Variants in EPHX1 observed in about 807,000 individuals in gnomAD.
EPHX1 encodes the protein epoxide hydratase.
In EPHX1, 40 loss-of-function variants were observed where a neutral mutation model predicts 43.2. The ratio of observed to expected loss-of-function variants is 0.93; its 90% CI spans 0.72 to 1.21. The LOEUF is 1.21. Among genes scored for constraint, EPHX1 ranks in the 50% most tolerant of loss-of-function variants. The probability of loss-of-function intolerance (pLI) is 0.00; values close to 1 mark genes in which losing one functional copy is unlikely to be tolerated. For synonymous variants in EPHX1, 221 were observed against 226.7 expected (o/e 0.98, Z 0.22); for missense variants, 550 against 570.4 (o/e 0.96, Z 0.36).
chr1:225,810,632 T>C (rs1575967315), intron 1 of EPHX1: 1 of 152,094 alleles, frequency 6.6e-6, no homozygotes, highest in African/African-American at 2.4e-5. Context: ...AACATGGCTG[T>C]TTATTTCACC....
intron 3 of EPHX1, among the ~76,000 whole-genome samples, chr1:225,836,755 AGAG>A (rs1345590617): frequency 6.6e-6 from 1 of 152,224 alleles, no homozygotes; most frequent in Non-Finnish European, 1.5e-5. Flanking sequence ...GCAGAAGCAG[AGAG>A]GAGAAGGGTG....
chr1:225,840,005 T>G lies in EPHX1; in HGVS notation c.899T>G (p.Met300Arg). The part of the protein sequence containing the change: ...FYSLMRESGY[M>R]HIQCTKPDTV... ...AGCCTGATGAGGGAGAGCGGCTACA[T>G]GCACATCCAGTGCACCAAGCCTGAC... Residue 300 changes from methionine to arginine, a missense_variant, in exon 6 of 9, where the codon ATG (methionine) becomes AGG (arginine). Transcript: ENST00000272167. 1 of 1,614,130 alleles carries G rather than the reference T, an allele frequency of 6.2e-7. No individual in the cohort carries two copies. The highest frequency in any genetic ancestry group is 8.5e-7 in the Non-Finnish European group (1 of 1,180,016).
At chr1:225,835,582 G>C (rs1466675571) in intron 3 of EPHX1, among the ~76,000 whole-genome samples, 2 of 151,772 alleles carry the variant, frequency 1.3e-5, no homozygotes, top group African/African-American at 4.8e-5. Context: ...GTAGAGACGG[G>C]GTTTCACCGT....
chr1:225,834,843 C>T (rs958263585), intron 3 of EPHX1, among the ~76,000 whole-genome samples: 3 of 152,164 alleles, frequency 2.0e-5, no homozygotes, highest in Admixed American at 2.0e-4. Context: ...CAGTGTCCAT[C>T]CAGCAGAAAC....
chr1:225,835,583 G>A (rs1251181933), intron 3 of EPHX1, among the ~76,000 whole-genome samples: 1 of 151,754 alleles, frequency 6.6e-6, no homozygotes, highest in East Asian at 1.9e-4. Flanking sequence ...TAGAGACGGG[G>A]TTTCACCGTG....
intron 3 of EPHX1, among the ~76,000 whole-genome samples, chr1:225,836,838 A>G (rs918963231): frequency 5.9e-5 from 9 of 152,234 alleles, no homozygotes; most frequent in Non-Finnish European, 1.2e-4. Flanking sequence ...GAGTCCTGCC[A>G]GCCGAATACA....
chr1:225,838,951 C>A, intron 4 of EPHX1, 70 bp downstream of exon 4: 1 of 1,543,142 alleles, frequency 6.5e-7, no homozygotes, highest in Non-Finnish European at 8.9e-7. Context: ...TCCCACCAGG[C>A]TCTCCTTCCG....
chr1:225,837,330 T>C (rs1668020722), intron 3 of EPHX1, among the ~76,000 whole-genome samples: 1 of 152,232 alleles, frequency 6.6e-6, no homozygotes, highest in Non-Finnish European at 1.5e-5. Context: ...GTTCCAAGCA[T>C]GGCAGCCGCC....
intron 3 of EPHX1, among the ~76,000 whole-genome samples, chr1:225,833,049 C>T (rs1296675004): frequency 6.6e-6 from 1 of 152,190 alleles, no homozygotes; most frequent in Non-Finnish European, 1.5e-5. Flanking sequence ...CGGCTATTCA[C>T]AGGCGTGATC....
rs2671266 is a variant in EPHX1 at position 225,839,495 on chromosome 1, C to T, written c.722+149C>T. ...CTGTCACTCAGCAGTGCCTGAGGCA[C>T]GTTGACTTGGATCCTCCTGTCTGTA... On this transcript the variant is annotated intron_variant, in intron 5 of 8. Transcript: ENST00000272167. The T allele has an allele frequency of 0.11, 160,226 of 1,456,904 alleles. 9,853 individuals are homozygous for T. Among genetic ancestry groups the T allele is most frequent in the South Asian group, 0.23 (16,902 of 75,110 alleles). 90.2% of individuals were successfully genotyped at this position (1,456,904 alleles called of 1,614,324 possible).
chr1:225,831,939 A>G lies in EPHX1; in HGVS notation c.344A>G (p.His115Arg). The stretch of plus-strand genomic sequence containing the variant: ...GTGGAGATTCTCAACAGATACCCTC[A>G]CTTCAAGACTAAGATTGAAGGTATG... ...KQVEILNRYP[H>R]FKTKIEGLDI... is the part of the protein sequence containing the mutation. The change falls in exon 3 of 9, where the codon CAC (histidine) becomes CGC (arginine). Residue 115 changes from histidine to arginine, a missense_variant. By Grantham distance (29) the His-to-Arg change is conservative (BLOSUM62 0). Transcript: ENST00000272167. The G allele has an allele frequency of 1.2e-6, 2 of 1,614,144 alleles. No individual in the cohort carries two copies. The highest frequency in any genetic ancestry group is 1.7e-6 in the Non-Finnish European group (2 of 1,180,038).
Position 225,817,161 on chromosome 1 carries a change from A to G in EPHX1, c.-6+6992A>G, listed in dbSNP as rs1666763016. On this transcript the variant is annotated intron_variant, in intron 1 of 8. Transcript: ENST00000272167. This position sits in a 1 kb window ranked among gnomAD's most constrained non-coding sequence, Gnocchi z 5.7. ...TGGTGCACAATCCCAGCTTGCCTGC[A>G]TCCGGCCTCTTCCATCCTGAGTCTC... 6.6e-6 allele frequency among the ~76,000 whole-genome samples: 1 copy of G among 152,120 alleles called. No individual in the cohort carries two copies. Among genetic ancestry groups the G allele is most frequent in the South Asian group, 2.1e-4 (1 of 4,820 alleles).
chr1:225,842,264 C>A, intron 6 of EPHX1, 102 bp from the exon 7 acceptor site: 2 of 905,424 alleles, frequency 2.2e-6, no homozygotes, highest in Non-Finnish European at 3.7e-6. Flanking sequence ...GCTTCCTGCA[C>A]ACAGCCCCGC....
intron 6 of EPHX1, among the ~76,000 whole-genome samples, chr1:225,840,288 C>A (rs1668294715): frequency 6.6e-6 from 1 of 152,214 alleles, no homozygotes; most frequent in Non-Finnish European, 1.5e-5. Flanking sequence ...CACCCCTGAT[C>A]TCCCACCCCT....
chr1:225,844,003 C>T (rs1228698293), intron 7 of EPHX1, among the ~76,000 whole-genome samples: 1 of 151,894 alleles, frequency 6.6e-6, no homozygotes, highest in East Asian at 1.9e-4. Flanking sequence ...GGGGTGGGGG[C>T]TGTGGAGTAT....
chr1:225,843,193 G>A (rs1668578072), intron 7 of EPHX1, among the ~76,000 whole-genome samples: 1 of 143,712 alleles, frequency 7.0e-6, no homozygotes. Flanking sequence ...AGGACTGTGA[G>A]AGTCCAGTGG....
chr1:225,815,795 T>C (rs1666699414), intron 1 of EPHX1, among the ~76,000 whole-genome samples: 1 of 152,206 alleles, frequency 6.6e-6, no homozygotes, highest in South Asian at 2.1e-4. Flanking sequence ...GGTTCCTCCA[T>C]GAGGCCCGGC....
In EPHX1 at chr1:225,828,802, G is replaced by A. The variant is rs1433698517; in HGVS notation, c.73G>A (p.Glu25Lys). The A allele has an allele frequency of 1.9e-6, 3 of 1,613,920 alleles. No individual in the cohort carries two copies. The highest frequency in any genetic ancestry group is 1.7e-6 in the Non-Finnish European group (2 of 1,179,974). The change falls in exon 2 of 9, where the codon GAA becomes AAA. Residue 25 changes from glutamate (E) to lysine (K), a missense_variant. Physicochemically the swap from Glu to Lys is moderately conservative, Grantham distance 56. Transcript: ENST00000272167. The stretch of plus-strand genomic sequence containing the variant: ...CTGGTTCATCTCCCGGGACAAAGAG[G>A]AAACTTTGCCACTTGAAGATGGGTG... ...IYWFISRDKE[E>K]TLPLEDGWWG...
At position 225,840,013 on chromosome 1, in the gene EPHX1, CAG is replaced by C; in HGVS notation, c.908_909del (p.Gln303LeufsTer5). 1 of 1,614,128 alleles carries C rather than the reference CAG, an allele frequency of 6.2e-7. No homozygotes were observed. Among genetic ancestry groups the C allele is most frequent in the Non-Finnish European group, 8.5e-7 (1 of 1,180,002 alleles). On this transcript the variant is annotated frameshift_variant, in exon 6 of 9. Coordinates refer to ENST00000272167, the MANE Select transcript of EPHX1 (RefSeq NM_001136018.4). LOFTEE classifies it high-confidence loss of function. ...GAGGGAGAGCGGCTACATGCACATC[CAG>C]TGCACCAAGCCTGACACCGTAGGTG... ...LMRESGYMHI[Q>X]CTKPDTVGSA...
Sources: allele counts gnomAD v4.1 joint callset (sites outside exome capture counted in the v4.1 genomes callset), GRCh38; gene constraint gnomAD v4.1.1; non-coding constraint Gnocchi (gnomAD v3.1); transcripts MANE v1.5; gene names NCBI Gene and HGNC (gene_info 2026-07-23, HGNC 2026-07-21).